The following SLC25A26 variants were observed in gnomAD, a reference collection of about 807,000 sequenced individuals.
SLC25A26 encodes mitochondrial S-adenosylmethionine carrier protein.
A neutral mutation model predicts 37.8 loss-of-function variants in SLC25A26; 36 were observed. That is an observed-to-expected ratio of 0.95 (90% CI 0.73 to 1.26). The LOEUF (loss-of-function observed/expected upper bound fraction) is 1.26. Among genes scored for constraint, SLC25A26 ranks in the 50% most tolerant of loss-of-function variants. SLC25A26 has a pLI of 0.00. For missense variants in SLC25A26, 390 were observed against 331.1 expected (o/e 1.18, Z -1.38); for synonymous variants, 129 against 122.5 (o/e 1.05, Z -0.35).
intron 9 of SLC25A26, among the ~76,000 whole-genome samples, chr3:66,373,197 T>A (rs530156693): frequency 6.6e-6 from 1 of 152,318 alleles, no homozygotes; most frequent in African/African-American, 2.4e-5. Context: ...ATGTAGTAGC[T>A]GCCACTGCCG....
intron 1 of SLC25A26, among the ~76,000 whole-genome samples, chr3:66,137,792 C>T (rs988254718): frequency 2.6e-5 from 4 of 152,068 alleles, no homozygotes; most frequent in African/African-American, 7.2e-5. Flanking sequence ...TTTCTTCTTT[C>T]CTTTGCAAAG....
chr3:66,352,255 C>T (rs754120097), intron 6 of SLC25A26, among the ~76,000 whole-genome samples: 4 of 152,060 alleles, frequency 2.6e-5, no homozygotes, highest in Non-Finnish European at 5.9e-5. Flanking sequence ...TTGCTAAAAC[C>T]TGTCAGTGGC....
At chr3:66,273,605 A>G (rs1372936412) in intron 5 of SLC25A26, among the ~76,000 whole-genome samples, 1 of 152,172 alleles carries the variant, frequency 6.6e-6, no homozygotes, top group Non-Finnish European at 1.5e-5. Flanking sequence ...CTTATACACC[A>G]ATAATAGACA....
intron 5 of SLC25A26, among the ~76,000 whole-genome samples, chr3:66,308,253 C>G (rs1045996878): frequency 6.6e-6 from 1 of 152,056 alleles, no homozygotes; most frequent in Non-Finnish European, 1.5e-5. Context: ...ATTTTATTCT[C>G]TTTGTAGCAG....
chr3:66,328,976 GT>G (rs1306349662), intron 5 of SLC25A26, among the ~76,000 whole-genome samples: 2 of 152,104 alleles, frequency 1.3e-5, no homozygotes, highest in Non-Finnish European at 2.9e-5. Flanking sequence ...CTTTTTAAAA[GT>G]TTCATTAGAA....
chr3:66,370,699 T>A (rs1700303127), intron 9 of SLC25A26, 97 bp downstream of exon 9: 7 of 909,086 alleles, frequency 7.7e-6, no homozygotes, highest in Middle Eastern at 4.4e-4. Context: ...CTTCTGCTTA[T>A]GTTCTGCTTT....
intron 5 of SLC25A26, among the ~76,000 whole-genome samples, chr3:66,337,248 A>C (rs571510993): frequency 2.0e-5 from 3 of 152,228 alleles, no homozygotes; most frequent in Admixed American, 2.0e-4. Context: ...AGATGTTCAC[A>C]CTGGGCATTT....
chr3:66,220,985 C>T (rs955147363), upstream of SLC25A26: 3 of 1,183,574 alleles, frequency 2.5e-6, no homozygotes, highest in Admixed American at 4.1e-5. Flanking sequence ...GTCACGTGGT[C>T]CCGGAAGTTC....
chr3:66,249,511 ATAT>A (rs1330210654), intron 3 of SLC25A26, among the ~76,000 whole-genome samples: 1 of 152,194 alleles, frequency 6.6e-6, no homozygotes, highest in African/African-American at 2.4e-5. Context: ...TATCTACTTA[ATAT>A]CATGCTTTAA....
chr3:66,286,497 G>GT (rs2107481034), intron 5 of SLC25A26, among the ~76,000 whole-genome samples: 1 of 151,980 alleles, frequency 6.6e-6, no homozygotes, highest in African/African-American at 2.4e-5. Flanking sequence ...AAAAAAATCA[G>GT]TTGGCCAGAT....
In SLC25A26 at chr3:66,310,420, T is replaced by C. The variant is rs149038743; in HGVS notation, c.454-35944T>C. ...TTGCATGTGATATGGGTCTCCTGAA[T>C]ACAGCACGCCAGTGGGTCTTAACTC... On this transcript the variant is annotated intron_variant, in intron 5 of 9. Transcript: ENST00000354883. Among the ~76,000 whole-genome samples the C allele has an allele frequency of 4.9e-3, 743 of 152,350 alleles. 11 individuals are homozygous for C. The highest frequency in any genetic ancestry group is 0.013 in the African/African-American group (546 of 41,584).
Position 66,370,567 on chromosome 3 carries a change from C to G in SLC25A26, c.672C>G (p.Val224=). Reference sequence around the variant, plus strand: ...CTGCTGATGGGAATGTGCTCTCTGTCCTGCATGGGGTCTGGCGGTCACAGG... The same window carrying G: ...CTGCTGATGGGAATGTGCTCTCTGTGCTGCATGGGGTCTGGCGGTCACAGG... The part of the protein sequence containing the change: ...SSTADGNVLS[V]LHGVWRSQGL... The change falls in exon 9 of 10, where the codon GTC becomes GTG. Residue 224 remains valine, a synonymous_variant. Coordinates refer to ENST00000354883, the MANE Select transcript of SLC25A26 (RefSeq NM_001379210.1). 6.2e-7 allele frequency: 1 copy of G among 1,613,918 alleles called. No homozygotes were observed. The highest frequency in any genetic ancestry group is 8.5e-7 in the Non-Finnish European group (1 of 1,179,850).
intron 4 of SLC25A26, among the ~76,000 whole-genome samples, chr3:66,262,590 A>G (rs185090947): frequency 1.0e-3 from 153 of 152,318 alleles, no homozygotes; most frequent in Admixed American, 2.5e-3. Context: ...TCAGTCAGAA[A>G]TTATTCTTCC....
chr3:66,369,608 G>C, intron 8 of SLC25A26, 66 bp downstream of exon 8: 1 of 1,342,892 alleles, frequency 7.4e-7, no homozygotes, highest in Non-Finnish European at 1.0e-6. Context: ...TAGGACTACA[G>C]GTGTATAAAG....
chr3:66,283,519 C>T (rs2074413252), intron 5 of SLC25A26, among the ~76,000 whole-genome samples: 1 of 152,110 alleles, frequency 6.6e-6, no homozygotes, highest in African/African-American at 2.4e-5. Flanking sequence ...TGGGCTCAAG[C>T]AGTCTGCCTA....
chr3:66,200,694 AT>A (rs2071097870), intron 1 of SLC25A26, among the ~76,000 whole-genome samples: 1 of 152,220 alleles, frequency 6.6e-6, no homozygotes, highest in African/African-American at 2.4e-5. Context: ...TTCAGTAGCT[AT>A]TTTCATAAAA....
intron 5 of SLC25A26, among the ~76,000 whole-genome samples, chr3:66,275,543 TAACA>T (rs1297582270): frequency 1.3e-5 from 2 of 152,024 alleles, no homozygotes; most frequent in Non-Finnish European, 2.9e-5. Context: ...AGAAAATATT[TAACA>T]AACCAATGAC....
At chr3:66,374,678 G>T (rs1348890174) in intron 9 of SLC25A26, among the ~76,000 whole-genome samples, 1 of 152,158 alleles carries the variant, frequency 6.6e-6, no homozygotes, top group Admixed American at 6.5e-5. Context: ...GAGCCCAAGA[G>T]TTCAAGACCA....
At chr3:66,134,956 G>A (rs948480100) in intron 1 of SLC25A26, among the ~76,000 whole-genome samples, 2 of 151,724 alleles carry the variant, frequency 1.3e-5, no homozygotes, top group African/African-American at 2.4e-5. Flanking sequence ...TCAGCCTCCC[G>A]AGTAGCTGGG....
Sources: allele counts gnomAD v4.1 joint callset (sites outside exome capture counted in the v4.1 genomes callset), GRCh38; gene constraint gnomAD v4.1.1; transcripts MANE v1.5; gene names NCBI Gene and HGNC (gene_info 2026-07-23, HGNC 2026-07-21).